The following STXBP5L variants were observed in gnomAD, a reference collection of about 807,000 sequenced individuals.
STXBP5L encodes the protein syntaxin binding protein 5L.
In STXBP5L, 65 loss-of-function variants were observed where a neutral mutation model predicts 144.5. That is an observed-to-expected ratio of 0.45 (90% confidence interval 0.37 to 0.55). The LOEUF (loss-of-function observed/expected upper bound fraction) is 0.55, where lower values mean the gene tolerates loss of function less well. Among genes scored for constraint, STXBP5L ranks in the 20% least tolerant of loss-of-function variants. The probability of loss-of-function intolerance (pLI) is 0.00; values close to 1 mark genes in which losing one functional copy is unlikely to be tolerated. For missense variants in STXBP5L, 1,298 were observed against 1,405.5 expected (o/e 0.92, Z 1.22); for synonymous variants, 505 against 469.6 (o/e 1.08, Z -0.97).
chr3:121,022,247 A>G (rs979290933), intron 3 of STXBP5L, among the ~76,000 whole-genome samples: 2 of 152,128 alleles, frequency 1.3e-5, no homozygotes, highest in African/African-American at 4.8e-5. Context: ...ACAGACTCTA[A>G]ATAGTAACAA....
intron 19 of STXBP5L, among the ~76,000 whole-genome samples, chr3:121,311,414 G>A (rs577391314): frequency 6.6e-6 from 1 of 152,236 alleles, no homozygotes; most frequent in African/African-American, 2.4e-5. Flanking sequence ...AAATCCAAAT[G>A]TTTCACAATG....
At chr3:120,955,861 CA>C (rs1471825737) in intron 3 of STXBP5L, among the ~76,000 whole-genome samples, 6 of 151,986 alleles carry the variant, frequency 3.9e-5, no homozygotes, top group Admixed American at 3.9e-4. Flanking sequence ...TTTGCCACTT[CA>C]AAAATGTTAT....
chr3:121,377,516 G>T (rs2046217953), intron 20 of STXBP5L, among the ~76,000 whole-genome samples: 2 of 152,062 alleles, frequency 1.3e-5, no homozygotes, highest in African/African-American at 4.8e-5. Flanking sequence ...TCAAAAAGTG[G>T]GCAAAGCTGT....
At chr3:120,973,876 C>G (rs1940593020) in intron 3 of STXBP5L, among the ~76,000 whole-genome samples, 1 of 152,108 alleles carries the variant, frequency 6.6e-6, no homozygotes, top group Non-Finnish European at 1.5e-5. Context: ...ATGAACTCAT[C>G]CTTTTTATGG....
chr3:120,986,935 A>G (rs1004739827), intron 3 of STXBP5L, among the ~76,000 whole-genome samples: 2 of 151,986 alleles, frequency 1.3e-5, no homozygotes, highest in African/African-American at 4.8e-5. Context: ...ATGGAACAGA[A>G]GGGACCTGTG....
At chr3:120,929,757 C>T (rs1709826914) in intron 2 of STXBP5L, among the ~76,000 whole-genome samples, 1 of 151,950 alleles carries the variant, frequency 6.6e-6, no homozygotes, top group African/African-American at 2.4e-5. Context: ...TTCTTACCAG[C>T]TTTCGATATT....
chr3:120,953,363 C>A (rs1468856077), intron 2 of STXBP5L, among the ~76,000 whole-genome samples: 1 of 97,712 alleles, frequency 1.0e-5, no homozygotes, highest in Non-Finnish European at 1.9e-5. Context: ...AGGTCTTGTT[C>A]TGTTGTTCAG....
chr3:121,182,749 A>G (rs1010621150), intron 9 of STXBP5L, among the ~76,000 whole-genome samples: 18 of 152,244 alleles, frequency 1.2e-4, no homozygotes, highest in African/African-American at 4.1e-4. Context: ...ATAGACCATT[A>G]GTTAGATTAA....
At chr3:121,293,697 T>C (rs967458158) in intron 19 of STXBP5L, among the ~76,000 whole-genome samples, 1 of 152,120 alleles carries the variant, frequency 6.6e-6, no homozygotes, top group African/African-American at 2.4e-5. Flanking sequence ...CTGTCTCTAC[T>C]AAAAATACAA....
intron 20 of STXBP5L, among the ~76,000 whole-genome samples, chr3:121,343,002 G>A (rs1328317461): frequency 7.3e-5 from 11 of 151,382 alleles, no homozygotes; most frequent in African/African-American, 1.9e-4. Context: ...ATCCTCTCCA[G>A]CACCTGCTGT....
chr3:121,094,386 A>G (rs1207883896), intron 5 of STXBP5L, among the ~76,000 whole-genome samples: 2 of 152,040 alleles, frequency 1.3e-5, no homozygotes, highest in African/African-American at 2.4e-5. Context: ...AAAGTCTCCC[A>G]TTATTATTGT....
At chr3:121,264,183 A>T (rs1022094417) in intron 18 of STXBP5L, among the ~76,000 whole-genome samples, 4 of 152,216 alleles carry the variant, frequency 2.6e-5, no homozygotes, top group African/African-American at 4.8e-5. Context: ...AAGAATTTTC[A>T]ACTCAGAATT....
intron 8 of STXBP5L, among the ~76,000 whole-genome samples, chr3:121,156,863 A>T (rs567190789): frequency 8.4e-4 from 128 of 152,100 alleles, no homozygotes; most frequent in African/African-American, 3.0e-3. Flanking sequence ...GGTTGTATGC[A>T]AATAGTATGC....
At chr3:121,121,784 C>A (rs917392407) in intron 7 of STXBP5L, 80 bp downstream of exon 7, 88 of 984,774 alleles carry the variant, frequency 8.9e-5, no homozygotes, top group Admixed American at 3.2e-4. Context: ...TATTTTATAT[C>A]TAGTATCTAG....
chr3:121,118,743 A>G (rs1316729905), intron 6 of STXBP5L, among the ~76,000 whole-genome samples: 1 of 151,582 alleles, frequency 6.6e-6, no homozygotes, highest in Non-Finnish European at 1.5e-5. Context: ...CAACATATTA[A>G]AGAAATATTT....
intron 2 of STXBP5L, among the ~76,000 whole-genome samples, chr3:120,942,386 T>C (rs1473605993): frequency 1.3e-5 from 2 of 151,618 alleles, no homozygotes; most frequent in Admixed American, 1.3e-4. Context: ...ATGAATATAA[T>C]ACTGCTATTA....
chr3:121,245,134 G>T (rs143645703), intron 14 of STXBP5L, among the ~76,000 whole-genome samples: 1 of 152,014 alleles, frequency 6.6e-6, no homozygotes, highest in Non-Finnish European at 1.5e-5. Context: ...GATAATAGAT[G>T]CAAAATATAA....
intron 4 of STXBP5L, among the ~76,000 whole-genome samples, chr3:121,042,599 G>T (rs1175195824): frequency 2.0e-5 from 3 of 152,216 alleles, no homozygotes; most frequent in Admixed American, 6.5e-5. Context: ...TTCATTCAGT[G>T]TCTGCATATA....
chr3:121,117,405 T>C (rs1365953245), intron 6 of STXBP5L, among the ~76,000 whole-genome samples: 2 of 151,946 alleles, frequency 1.3e-5, no homozygotes, highest in African/African-American at 4.8e-5. Flanking sequence ...CAAAAATATG[T>C]TCCATAGAAT....
Sources: gnomAD v4.1 joint callset for allele counts (sites outside exome capture counted in the v4.1 genomes callset) on GRCh38, gnomAD v4.1.1 for gene constraint, MANE v1.5 for transcripts, NCBI Gene and HGNC (gene_info 2026-07-23, HGNC 2026-07-21) for gene names.